Variants in PTPRD observed in about 807,000 individuals in gnomAD.
PTPRD encodes protein tyrosine phosphatase receptor type D.
PTPRD carries 34 observed loss-of-function variants against 214.5 expected under a neutral mutation model. The observed-to-expected ratio is 0.16, with a 90% CI of 0.12 to 0.21. The LOEUF is 0.21. Ranked by LOEUF, PTPRD falls within the 10% of genes least tolerant of loss-of-function variation. The probability of loss-of-function intolerance (pLI) is 1.00; values close to 1 mark genes in which losing one functional copy is unlikely to be tolerated. For missense variants in PTPRD, 2,545 were observed against 2,398.7 expected (o/e 1.06, Z -1.27); for synonymous variants, 1,128 against 845.7 (o/e 1.33, Z -5.79).
At chr9:9,192,327 G>T (rs1209318900) in intron 9 of PTPRD, among the ~76,000 whole-genome samples, 1 of 152,092 alleles carries the variant, frequency 6.6e-6, no homozygotes, top group Non-Finnish European at 1.5e-5. Context: ...TCTTCCACTA[G>T]CTATCTTGTG....
chr9:10,590,670 A>G (rs1011986063), intron 2 of PTPRD, among the ~76,000 whole-genome samples: 1 of 151,910 alleles, frequency 6.6e-6, no homozygotes, highest in African/African-American at 2.4e-5. Flanking sequence ...GCTGTATAGT[A>G]TTCCTTTGTA....
chr9:9,232,231 TGC>T (rs1369049776), intron 9 of PTPRD, among the ~76,000 whole-genome samples: 1 of 152,180 alleles, frequency 6.6e-6, no homozygotes, highest in Non-Finnish European at 1.5e-5. Flanking sequence ...TTAGAAGAGT[TGC>T]ATAAGATCAA....
chr9:10,033,204 G>A (rs1263105555), intron 4 of PTPRD, among the ~76,000 whole-genome samples: 1 of 151,744 alleles, frequency 6.6e-6, no homozygotes, highest in Non-Finnish European at 1.5e-5. Context: ...GGGGAGGCGT[G>A]TTGCTGAGAA....
chr9:8,886,664 A>T (rs762764039), intron 11 of PTPRD, among the ~76,000 whole-genome samples: 3 of 152,074 alleles, frequency 2.0e-5, no homozygotes, highest in African/African-American at 7.2e-5. Flanking sequence ...CTAGGGCTGA[A>T]TTTTTTCTGC....
At chr9:9,155,927 G>T (rs1219270135) in intron 10 of PTPRD, among the ~76,000 whole-genome samples, 2 of 152,056 alleles carry the variant, frequency 1.3e-5, no homozygotes, top group Non-Finnish European at 2.9e-5. Context: ...TTTCTTTCCT[G>T]CTTTAGCTTC....
intron 14 of PTPRD, among the ~76,000 whole-genome samples, chr9:8,576,572 C>G (rs924867335): frequency 4.1e-5 from 6 of 145,864 alleles, no homozygotes; most frequent in African/African-American, 1.0e-4. Context: ...ATATATACAC[C>G]CACATACATG....
chr9:8,476,913 G>T (rs1486971498), intron 30 of PTPRD, among the ~76,000 whole-genome samples: 1 of 152,022 alleles, frequency 6.6e-6, no homozygotes, highest in East Asian at 1.9e-4. Context: ...ACCAGCAATG[G>T]CATGCCCAAA....
At chr9:8,340,022 G>T (rs1001661278) in intron 42 of PTPRD, among the ~76,000 whole-genome samples, 3 of 152,056 alleles carry the variant, frequency 2.0e-5, no homozygotes, top group African/African-American at 7.2e-5. Flanking sequence ...TCAAACTCTA[G>T]CCTGTCCAGA....
intron 11 of PTPRD, among the ~76,000 whole-genome samples, chr9:8,783,160 G>A (rs550404904): frequency 3.9e-4 from 60 of 151,960 alleles, no homozygotes; most frequent in Non-Finnish European, 7.5e-4. Flanking sequence ...AACGAAGAAC[G>A]GAAATTTTCA....
At chr9:10,185,832 C>A (rs1316029858) in intron 3 of PTPRD, among the ~76,000 whole-genome samples, 2 of 151,328 alleles carry the variant, frequency 1.3e-5, no homozygotes, top group Non-Finnish European at 2.9e-5. Context: ...AACATTCTAT[C>A]ATAATATGAT....
At chr9:9,824,438 A>G (rs2051951005) in intron 5 of PTPRD, among the ~76,000 whole-genome samples, 1 of 151,962 alleles carries the variant, frequency 6.6e-6, no homozygotes, top group South Asian at 2.1e-4. Flanking sequence ...TCATACTACA[A>G]TTTGCTTAAT....
At chr9:9,039,307 T>C (rs539446939) in intron 10 of PTPRD, among the ~76,000 whole-genome samples, 43 of 152,310 alleles carry the variant, frequency 2.8e-4, no homozygotes, top group African/African-American at 8.9e-4. Context: ...GAGGAATTCC[T>C]ACCCCATTTA....
chr9:8,963,334 T>C (rs1205426215), intron 11 of PTPRD, among the ~76,000 whole-genome samples: 1 of 152,158 alleles, frequency 6.6e-6, no homozygotes, highest in Non-Finnish European at 1.5e-5. Context: ...GGTATTATTA[T>C]AGCAAGGTTT....
At chr9:8,450,051 A>C (rs2095875310) in intron 33 of PTPRD, among the ~76,000 whole-genome samples, 1 of 152,030 alleles carries the variant, frequency 6.6e-6, no homozygotes, top group African/African-American at 2.4e-5. Context: ...AATGATCTCG[A>C]AGTCCTCCTC....
chr9:9,731,156 C>T (rs1013028197), intron 7 of PTPRD, among the ~76,000 whole-genome samples: 1 of 152,052 alleles, frequency 6.6e-6, no homozygotes, highest in Non-Finnish European at 1.5e-5. Context: ...TAAATTTTTA[C>T]TGCTGGTATT....
At chr9:9,524,842 TTTGC>T (rs1167270612) in intron 8 of PTPRD, among the ~76,000 whole-genome samples, 4 of 151,088 alleles carry the variant, frequency 2.6e-5, no homozygotes, top group East Asian at 1.9e-4. Context: ...AGGAGTTTTG[TTTGC>T]TTGCTTGTTT....
chr9:8,610,919 A>G (rs1189802560), intron 14 of PTPRD, among the ~76,000 whole-genome samples: 1 of 152,252 alleles, frequency 6.6e-6, no homozygotes, highest in Non-Finnish European at 1.5e-5. Context: ...ACATGCTGAA[A>G]GTAAGTTTTT....
intron 9 of PTPRD, among the ~76,000 whole-genome samples, chr9:9,379,466 A>G (rs1596689586): frequency 6.6e-6 from 1 of 151,990 alleles, no homozygotes; most frequent in Non-Finnish European, 1.5e-5. Flanking sequence ...CAAGTCAGGT[A>G]ATATCAGTCC....
rs193015929 is a variant in PTPRD, at chr9:8,793,416, A to C, written c.-103-59470T>G. 1.7e-4 allele frequency among the ~76,000 whole-genome samples: 26 copies of C among 152,324 alleles called. No homozygotes were observed. The East Asian group carries it at 4.8e-3, about 28-fold the overall frequency. On this transcript the variant is annotated intron_variant, in intron 11 of 45. Transcript: ENST00000381196. ...ATCCTCCAGCCCCAGTCAAACCTTCAGATGACTGCAGCCCCATCTAACATT... is the reference window on the plus strand; with the variant it reads ...ATCCTCCAGCCCCAGTCAAACCTTCCGATGACTGCAGCCCCATCTAACATT...
Sources: gnomAD v4.1 joint callset for allele counts (sites outside exome capture counted in the v4.1 genomes callset) on GRCh38, gnomAD v4.1.1 for gene constraint, MANE v1.5 for transcripts, NCBI Gene and HGNC (gene_info 2026-07-23, HGNC 2026-07-21) for gene names.